RABEP2: variants seen among roughly 807,000 people sequenced by gnomAD.
RABEP2 encodes the protein rabaptin, RAB GTPase binding effector protein 2.
RABEP2 carries 57 observed loss-of-function variants against 74.1 expected under a neutral mutation model. The ratio of observed to expected loss-of-function variants is 0.77; its 90% CI spans 0.62 to 0.96. The LOEUF (loss-of-function observed/expected upper bound fraction) is 0.96, where lower values mean the gene tolerates loss of function less well. Among genes scored for constraint, RABEP2 ranks in the 40% least tolerant of loss-of-function variants. The pLI, the probability that RABEP2 is intolerant of heterozygous loss-of-function variation, is 0.00. For missense variants in RABEP2, 692 were observed against 756.3 expected, an observed-to-expected ratio of 0.91 and a Z score of 1.00; for synonymous variants, 351 against 344.0, an observed-to-expected ratio of 1.02 and a Z score of -0.23.
chr16:28,909,099 CAG>C lies in RABEP2; in HGVS notation c.1090-337_1090-336del, dbSNP rs551152090. On this transcript the variant is annotated intron_variant, in intron 7 of 12. Coordinates refer to ENST00000358201, the MANE Select transcript of RABEP2 (RefSeq NM_024816.3). Reference sequence around the variant, plus strand: ...TTAAAAAATATATATTTTTTTGAGACAGAGTCTCCCTCTGTCACTCAGGCTGG... The same window carrying C: ...TTAAAAAATATATATTTTTTTGAGACAGTCTCCCTCTGTCACTCAGGCTGG... Among the ~76,000 whole-genome samples the C allele has an allele frequency of 6.6e-5, 10 of 151,646 alleles. No individual in the cohort carries two copies. The East Asian group carries it at 1.9e-3, about 29-fold the overall frequency.
intron 1 of RABEP2, chr16:28,924,888 A>T (rs1171922787): frequency 4.0e-6 from 3 of 757,532 alleles, no homozygotes; most frequent in Non-Finnish European, 6.8e-6. Flanking sequence ...CCCCTTCCTC[A>T]CCGGGCCCCA....
chr16:28,924,638 T>G, intron 1 of RABEP2, 23 bp from the exon 2 acceptor site: 1 of 1,588,860 alleles, frequency 6.3e-7, no homozygotes, highest in Non-Finnish European at 8.6e-7. Context: ...GGGATCAGCC[T>G]CTCTTCCCAT....
chr16:28,924,874 C>T (rs894319757), intron 1 of RABEP2: 14 of 745,218 alleles, frequency 1.9e-5, no homozygotes, highest in Non-Finnish European at 3.3e-5. Context: ...TCCTAGTGGC[C>T]GCGCCCCTTC....
chr16:28,914,205 T>G, intron 5 of RABEP2, 31 bp downstream of exon 5: 1 of 1,529,958 alleles, frequency 6.5e-7, no homozygotes, highest in Non-Finnish European at 8.8e-7. Context: ...AGGGGGATGG[T>G]ACACCCCGCC....
chr16:28,911,003 G>C lies in RABEP2; in HGVS notation c.991-17C>G. The C allele has an allele frequency of 6.2e-7, 1 of 1,609,874 alleles. No individual in the cohort carries two copies. The highest frequency in any genetic ancestry group is 8.5e-7 in the Non-Finnish European group (1 of 1,177,364). ...CACCTGCATCTGGGTTGGAGGGAGG[G>C]CGAAAGTGAGGGCAAGGGCATGTCA... is the stretch of plus-strand genomic sequence containing the variant. On this transcript the variant is annotated splice_polypyrimidine_tract_variant and intron_variant, in intron 6 of 12. Transcript: ENST00000358201.
At chr16:28,906,943 A>G (rs919675426) in intron 8 of RABEP2, among the ~76,000 whole-genome samples, 4 of 152,164 alleles carry the variant, frequency 2.6e-5, no homozygotes, top group African/African-American at 9.7e-5. Context: ...GGGGCGACAG[A>G]GCGAGACTCT....
In RABEP2 at chr16:28,904,855, GCCAT is replaced by G. The variant is rs1964197287; in HGVS notation, c.*84_*87del. 2.0e-6 allele frequency: 2 copies of G among 1,015,320 alleles called. No homozygotes were observed. Among genetic ancestry groups the G allele is most frequent in the Non-Finnish European group, 2.9e-6 (2 of 685,588 alleles). 62.9% of individuals were successfully genotyped at this position (1,015,320 alleles called of 1,614,324 possible). On this transcript the variant is annotated 3_prime_UTR_variant, in exon 13 of 13. Coordinates refer to ENST00000358201, the MANE Select transcript of RABEP2 (RefSeq NM_024816.3). ...CCCCAGTCTCAGGGACGGTGGAAAA[GCCAT>G]CCAAGACCCCAGAGCGAGGCCTCAT...
chr16:28,923,474 C>T (rs554283672), intron 2 of RABEP2, among the ~76,000 whole-genome samples: 2 of 151,818 alleles, frequency 1.3e-5, no homozygotes, highest in South Asian at 4.2e-4. Flanking sequence ...ACACACCTGG[C>T]TTTTCTTATA....
rs747906027 is a variant in RABEP2 at position 28,914,246 on chromosome 16, A to T, written c.884T>A (p.Leu295Gln). 6.2e-7 allele frequency: 1 copy of T among 1,601,482 alleles called. No homozygotes were observed. The highest frequency in any genetic ancestry group is 1.3e-5 in the African/African-American group (1 of 74,876). Reference protein sequence around the residue: ...QLVPDTQWEQLQTEGRQLQKD... With the variant: ...QLVPDTQWEQQQTEGRQLQKD... ...GCCCACAACACTCACCTCTGTCTGC[A>T]GCTGCTCCCACTGAGTGTCTGGGAC... Residue 295 changes from leucine (L) to glutamine (Q), a missense_variant, in exon 5 of 13, where the codon CTG becomes CAG. Transcript: ENST00000358201.
Position 28,905,488 on chromosome 16 carries a change from T to C in RABEP2, c.1517A>G (p.Glu506Gly). 1 of 1,611,106 alleles carries C rather than the reference T, an allele frequency of 6.2e-7. No homozygotes were observed. The highest frequency in any genetic ancestry group is 8.5e-7 in the Non-Finnish European group (1 of 1,179,304). The part of the protein sequence containing the change: ...SKAQLPDLLS[E>G]QRAKVLRLQA... The stretch of plus-strand genomic sequence containing the variant: ...CAGCCGCAGCACCTTGGCCCTCTGT[T>C]CTGAGAGGAGGTCTGGGAGCTGGGC... Residue 506 changes from glutamate (E) to glycine (G), a missense_variant, in exon 12 of 13, where the codon GAA becomes GGA. Physicochemically the swap from Glu to Gly is moderately conservative, Grantham distance 98. Coordinates refer to ENST00000358201, the MANE Select transcript of RABEP2 (RefSeq NM_024816.3).
At chr16:28,907,158 CTTTG>C (rs1478087123) in intron 8 of RABEP2, among the ~76,000 whole-genome samples, 3 of 116,236 alleles carry the variant, frequency 2.6e-5, no homozygotes, top group Non-Finnish European at 5.2e-5. Flanking sequence ...TGTTTTTTGC[CTTTG>C]TTTTTTTTTT....
rs1420532493 is a variant in RABEP2 at position 28,910,916 on chromosome 16, T to G, written c.1061A>C (p.Gln354Pro). 1 of 1,612,768 alleles carries G rather than the reference T, an allele frequency of 6.2e-7. No individual in the cohort carries two copies. Among genetic ancestry groups the G allele is most frequent in the East Asian group, 2.2e-5 (1 of 44,886 alleles). ...LLRTLQGTVS[Q>P]AQERVQLQMA... ...CTGCAGCTGCACCCGCTCCTGGGCC[T>G]GGCTCACGGTCCCTTGCAGGGTCCG... Residue 354 changes from glutamine to proline, a missense_variant, in exon 7 of 13, where the codon CAG becomes CCG. Coordinates refer to ENST00000358201, the MANE Select transcript of RABEP2 (RefSeq NM_024816.3).
rs762562473 is a variant in RABEP2 at position 28,919,867 on chromosome 16, C to G, written c.351G>C (p.Glu117Asp). Residue 117 changes from glutamate to aspartate, a missense_variant, in exon 3 of 13, where the codon GAG (glutamate) becomes GAC (aspartate). Coordinates refer to ENST00000358201, the MANE Select transcript of RABEP2 (RefSeq NM_024816.3). ...ERQQQQQDCEEKERELGRLKQ... is the reference protein window; with the variant it reads ...ERQQQQQDCEDKERELGRLKQ... ...TCAGGCGGCCCAGCTCCCGCTCCTTCTCCTCACAGTCCTGCTGCTGCTGCT... is the reference window on the plus strand; with the variant it reads ...TCAGGCGGCCCAGCTCCCGCTCCTTGTCCTCACAGTCCTGCTGCTGCTGCT... 1.1e-5 allele frequency: 17 copies of G among 1,612,160 alleles called. No individual in the cohort carries two copies. The highest frequency in any genetic ancestry group is 1.7e-5 in the Admixed American group (1 of 59,958).
intron 8 of RABEP2, among the ~76,000 whole-genome samples, chr16:28,906,720 G>A (rs763153395): frequency 5.9e-5 from 9 of 152,038 alleles, no homozygotes; most frequent in South Asian, 2.1e-4. Context: ...AGCCGAGATC[G>A]CGCCACTGCA....
intron 3 of RABEP2, among the ~76,000 whole-genome samples, chr16:28,915,511 G>C (rs927549802): frequency 3.9e-5 from 6 of 152,026 alleles, no homozygotes; most frequent in African/African-American, 1.4e-4. Flanking sequence ...TAAGCCAAGG[G>C]GACCTTCCAG....
rs1011308673 is a variant in RABEP2, at chr16:28,906,098, C to G, written c.1344G>C (p.Thr448=). The change falls in exon 9 of 13, where the codon ACG becomes ACC. Residue 448 remains threonine (T), a synonymous_variant. Coordinates refer to ENST00000358201, the MANE Select transcript of RABEP2 (RefSeq NM_024816.3). ...GAERLRIEIV[T]LREALEEETV... is the part of the protein sequence containing the mutation. ...TCTCCTCCTCCAGAGCCTCCCGCAG[C>G]GTCACGATCTCGATCCGCAGGCGCT... The G allele has an allele frequency of 6.3e-7, 1 of 1,596,738 alleles. No individual in the cohort carries two copies. Among genetic ancestry groups the G allele is most frequent in the African/African-American group, 1.3e-5 (1 of 74,648 alleles).
At chr16:28,908,345 C>T (rs970558513) in intron 8 of RABEP2, among the ~76,000 whole-genome samples, 6 of 152,184 alleles carry the variant, frequency 3.9e-5, no homozygotes, top group African/African-American at 1.2e-4. Context: ...TTGTGGCTCG[C>T]GTGTCACTTA....
rs745883313 is a variant in RABEP2 at position 28,905,884 on chromosome 16, G to C, written c.1424-6C>G. 1.2e-6 allele frequency: 2 copies of C among 1,613,668 alleles called. No individual in the cohort carries two copies. The highest frequency in any genetic ancestry group is 1.7e-6 in the Non-Finnish European group (2 of 1,180,034). On this transcript the variant is annotated splice_polypyrimidine_tract_variant and splice_region_variant and intron_variant, in intron 9 of 12. Transcript: ENST00000358201. The stretch of plus-strand genomic sequence containing the variant: ...ACACTCACCCTCCAGCACCTCTGTG[G>C]GAAGGAAAGAAAGAGAGGTCAAGGC...
At chr16:28,907,247 A>G (rs1178095302) in intron 8 of RABEP2, among the ~76,000 whole-genome samples, 1 of 150,164 alleles carries the variant, frequency 6.7e-6, no homozygotes, top group Non-Finnish European at 1.5e-5. Flanking sequence ...TGTAGCCTCA[A>G]CCTCCCAGGC....
Sources: gnomAD v4.1 joint callset for allele counts (sites outside exome capture counted in the v4.1 genomes callset) on GRCh38, gnomAD v4.1.1 for gene constraint, MANE v1.5 for transcripts, NCBI Gene and HGNC (gene_info 2026-07-23, HGNC 2026-07-21) for gene names.